Variants in ARHGEF3 observed in about 807,000 individuals in gnomAD.
The protein encoded by ARHGEF3 is Rho guanine nucleotide exchange factor 3, also known as 59.8 kDA protein.
ARHGEF3 carries 28 observed loss-of-function variants against 63.2 expected under a neutral mutation model. The observed-to-expected ratio is 0.44, with a 90% CI of 0.33 to 0.61. ARHGEF3 has a LOEUF of 0.61. ARHGEF3 is among the 20% of genes least tolerant of loss of function. The probability of loss-of-function intolerance (pLI) is 0.03; values close to 1 mark genes in which losing one functional copy is unlikely to be tolerated. For missense variants in ARHGEF3, 533 were observed against 659.3 expected (o/e 0.81, Z 2.10); for synonymous variants, 266 against 254.2 (o/e 1.05, Z -0.44).
chr3:56,908,085 C>A (rs2041751219), intron 3 of ARHGEF3, among the ~76,000 whole-genome samples: 1 of 152,190 alleles, frequency 6.6e-6, no homozygotes. Flanking sequence ...CTGCCCCAGG[C>A]AGACAGGCTG....
At chr3:56,977,470 G>A (rs1057239349) in intron 2 of ARHGEF3, 6 of 363,000 alleles carry the variant, frequency 1.7e-5, no homozygotes, top group Admixed American at 7.2e-5. Flanking sequence ...CCACTCACTC[G>A]GGAGCCCTGA....
intron 1 of ARHGEF3, among the ~76,000 whole-genome samples, chr3:56,795,071 C>G (rs2037281460): frequency 6.6e-6 from 1 of 150,746 alleles, no homozygotes; most frequent in Non-Finnish European, 1.5e-5. Context: ...CGCTGTGTTG[C>G]CCAGAATGGT....
intron 2 of ARHGEF3, chr3:57,007,228 G>T: frequency 1.6e-6 from 2 of 1,289,376 alleles, no homozygotes; most frequent in Non-Finnish European, 2.0e-6. Flanking sequence ...AAGGTGGGGG[G>T]GTCAATAACA....
chr3:56,988,489 CATG>C (rs1390357452), intron 2 of ARHGEF3, among the ~76,000 whole-genome samples: 1 of 152,112 alleles, frequency 6.6e-6, no homozygotes, highest in Non-Finnish European at 1.5e-5. Flanking sequence ...GTGCCCAGCA[CATG>C]ATAAGAGCAC....
At chr3:56,745,672 A>T (rs1474730580) in intron 6 of ARHGEF3, among the ~76,000 whole-genome samples, 1 of 151,870 alleles carries the variant, frequency 6.6e-6, no homozygotes, top group Non-Finnish European at 1.5e-5. Context: ...GCTTTCACAA[A>T]GCAATTTTTT....
intron 1 of ARHGEF3, among the ~76,000 whole-genome samples, chr3:57,055,886 T>C (rs1459407766): frequency 6.6e-6 from 1 of 152,228 alleles, no homozygotes; most frequent in East Asian, 1.9e-4. Flanking sequence ...AAGTCCATTT[T>C]GACAACTGCA....
intron 4 of ARHGEF3, among the ~76,000 whole-genome samples, chr3:56,831,339 A>G (rs1320368191): frequency 6.6e-6 from 1 of 152,030 alleles, no homozygotes; most frequent in Admixed American, 6.5e-5. Flanking sequence ...TGTCATTTTT[A>G]CTCTAAAATA....
intron 2 of ARHGEF3, among the ~76,000 whole-genome samples, chr3:57,002,479 T>TTTTATA: frequency 2.5e-5 from 1 of 39,466 alleles, no homozygotes; most frequent in African/African-American, 1.5e-4. Context: ...TATATATATG[T>TTTTATA]TATATATATA....
At chr3:56,908,661 T>A (rs939162174) in intron 3 of ARHGEF3, among the ~76,000 whole-genome samples, 3 of 152,156 alleles carry the variant, frequency 2.0e-5, no homozygotes, top group African/African-American at 7.2e-5. Context: ...GGGAATGAGA[T>A]CTAATTGTAT....
At chr3:57,032,025 C>T (rs1259964713) in intron 2 of ARHGEF3, among the ~76,000 whole-genome samples, 1 of 152,132 alleles carries the variant, frequency 6.6e-6, no homozygotes, top group Non-Finnish European at 1.5e-5. Context: ...ACTCTGTCTG[C>T]AATTTCTTGA....
At chr3:56,744,299 C>G (rs532816888) in intron 7 of ARHGEF3, among the ~76,000 whole-genome samples, 2 of 152,120 alleles carry the variant, frequency 1.3e-5, no homozygotes, top group African/African-American at 4.8e-5. Context: ...TCACAGTTTA[C>G]AATATTCTCA....
intron 2 of ARHGEF3, among the ~76,000 whole-genome samples, chr3:57,030,351 G>T (rs986368192): frequency 2.0e-5 from 3 of 152,178 alleles, no homozygotes; most frequent in Non-Finnish European, 4.4e-5. Context: ...AGCCAGGGGA[G>T]ATTTTTGTTT....
chr3:57,076,753 C>T (rs1706240275), intron 1 of ARHGEF3: 1 of 152,240 alleles, frequency 6.6e-6, no homozygotes, highest in Non-Finnish European at 1.5e-5. Flanking sequence ...CACCTCACTT[C>T]AGTCAATGGG....
chr3:56,909,679 A>T (rs1056433939), intron 3 of ARHGEF3, among the ~76,000 whole-genome samples: 1 of 152,208 alleles, frequency 6.6e-6, no homozygotes, highest in Non-Finnish European at 1.5e-5. Flanking sequence ...GACCTAATAC[A>T]TGCCGGGCCT....
chr3:56,968,032 A>AT (rs1700671970), intron 2 of ARHGEF3, among the ~76,000 whole-genome samples: 1 of 24,650 alleles, frequency 4.1e-5, no homozygotes, highest in African/African-American at 1.5e-4. Flanking sequence ...ATATATATTT[A>AT]ATATATATAA....
chr3:56,801,917 G>C lies in ARHGEF3; in HGVS notation c.-119C>G, dbSNP rs1409874620. ...GGGCGGCGGCGGCGACACGGAGACC[G>C]ACAGCCGGCTTCTAGCCGGGCAGGA... On this transcript the variant is annotated 5_prime_UTR_variant, in exon 1 of 10. Transcript: ENST00000296315. 3 of 1,522,128 alleles carry C rather than the reference G, an allele frequency of 2.0e-6. No individual in the cohort carries two copies. Among genetic ancestry groups the C allele is most frequent in the South Asian group, 1.2e-5 (1 of 83,472 alleles). The allele number at this position is 1,522,128 out of a possible 1,614,324, so 94.3% of individuals were successfully genotyped here.
At chr3:56,923,401 T>C (rs1316229552) in intron 3 of ARHGEF3, among the ~76,000 whole-genome samples, 1 of 151,988 alleles carries the variant, frequency 6.6e-6, no homozygotes, top group Non-Finnish European at 1.5e-5. Flanking sequence ...TGGAAACTGG[T>C]TCAAATTTTC....
At chr3:57,005,873 C>T (rs1271013900) in intron 2 of ARHGEF3, among the ~76,000 whole-genome samples, 2 of 152,340 alleles carry the variant, frequency 1.3e-5, no homozygotes, top group African/African-American at 2.4e-5. Flanking sequence ...ATTTGCCAAA[C>T]GCTTTCTAGT....
chr3:56,882,893 T>C (rs185645224), intron 3 of ARHGEF3, among the ~76,000 whole-genome samples: 1 of 152,372 alleles, frequency 6.6e-6, no homozygotes, highest in East Asian at 1.9e-4. Context: ...TTTGTGTTAC[T>C]ATTCTTATGC....
Sources: gnomAD v4.1 joint callset for allele counts (sites outside exome capture counted in the v4.1 genomes callset) on GRCh38, gnomAD v4.1.1 for gene constraint, MANE v1.5 for transcripts, NCBI Gene and HGNC (gene_info 2026-07-23, HGNC 2026-07-21) for gene names.